Variants in JCAD observed in about 807,000 individuals in gnomAD.
JCAD encodes junctional cadherin 5 associated, also known as junctional cadherin 5-associated protein.
JCAD carries 40 observed loss-of-function variants against 98.0 expected under a neutral mutation model. The observed-to-expected ratio is 0.41, with a 90% CI of 0.32 to 0.53. JCAD has a LOEUF of 0.53. Among genes scored for constraint, JCAD ranks in the 20% least tolerant of loss-of-function variants. JCAD has a pLI of 0.31. For missense variants in JCAD, 1,705 were observed against 1,738.1 expected, an observed-to-expected ratio of 0.98 and a Z score of 0.34; for synonymous variants, 691 against 682.3, an observed-to-expected ratio of 1.01 and a Z score of -0.20.
At chr10:30,087,842 C>T (rs4749528) in intron 1 of JCAD, among the ~76,000 whole-genome samples, 67,467 of 152,050 alleles carry the variant, frequency 0.44, 17,221 homozygotes, top group African/African-American at 0.7. Flanking sequence ...CTTCTGTAAC[C>T]TTTGTTTGTT....
chr10:30,112,970 G>C (rs1228671659), intron 1 of JCAD, among the ~76,000 whole-genome samples: 1 of 152,008 alleles, frequency 6.6e-6, no homozygotes, highest in Admixed American at 6.6e-5. Flanking sequence ...TTAATGGGCA[G>C]AGGGTTTCCT....
At position 30,028,926 on chromosome 10, in the gene JCAD, GGA is replaced by G; in HGVS notation, c.1220_1221del (p.Leu407ProfsTer11). Reference sequence around the variant, plus strand: ...GCAGTGACAGGTCGGGGATGTGCGGGGAGCCCCTGAGGCAAGCGGGGGCTCAC... The same window carrying G: ...GCAGTGACAGGTCGGGGATGTGCGGGGCCCCTGAGGCAAGCGGGGGCTCAC... ...YGVSPRLPQG[L>X]PAHPRPVTAY... On this transcript the variant is annotated frameshift_variant, in exon 3 of 4. Coordinates refer to ENST00000375377, the MANE Select transcript of JCAD (RefSeq NM_020848.4). LOFTEE classifies it high-confidence loss of function. The G allele has an allele frequency of 6.2e-7, 1 of 1,614,106 alleles. No individual in the cohort carries two copies. The highest frequency in any genetic ancestry group is 8.5e-7 in the Non-Finnish European group (1 of 1,180,002).
intron 1 of JCAD, among the ~76,000 whole-genome samples, chr10:30,091,714 A>AT (rs11307523): frequency 0.37 from 30,254 of 81,838 alleles, 5,967 homozygotes; most frequent in East Asian, 0.51. Context: ...AAGTTTTTAA[A>AT]TTTTTTTTTT....
chr10:30,035,626 A>C (rs1426940553), intron 2 of JCAD, among the ~76,000 whole-genome samples: 1 of 152,266 alleles, frequency 6.6e-6, no homozygotes, highest in African/African-American at 2.4e-5. Flanking sequence ...TTCAAAGCCA[A>C]AAATATATTT....
chr10:30,047,003 C>T (rs1246371151), intron 2 of JCAD, among the ~76,000 whole-genome samples: 1 of 152,062 alleles, frequency 6.6e-6, no homozygotes, highest in African/African-American at 2.4e-5. Flanking sequence ...GGGAGAATCA[C>T]TTGAGCCCAG....
chr10:30,031,945 G>A (rs377045886), intron 2 of JCAD, among the ~76,000 whole-genome samples: 12 of 150,482 alleles, frequency 8.0e-5, no homozygotes, highest in African/African-American at 1.5e-4. Context: ...TAGTAGAGAC[G>A]GGGTTTCACT....
chr10:30,063,473 C>A (rs774834213), upstream of JCAD, among the ~76,000 whole-genome samples: 5 of 152,052 alleles, frequency 3.3e-5, no homozygotes, highest in African/African-American at 7.2e-5. Context: ...CTAGAGCAAC[C>A]CTCCTCCCTC....
intron 1 of JCAD, among the ~76,000 whole-genome samples, chr10:30,096,317 G>A (rs1355087729): frequency 3.3e-5 from 5 of 152,198 alleles, no homozygotes; most frequent in Non-Finnish European, 5.9e-5. Flanking sequence ...CCACTGCCCT[G>A]AGCCTCAGTT....
chr10:30,110,072 T>A (rs2132719691), intron 1 of JCAD, among the ~76,000 whole-genome samples: 1 of 152,180 alleles, frequency 6.6e-6, no homozygotes, highest in Admixed American at 6.5e-5. Context: ...CCAATTGATG[T>A]ATAAACCCAT....
chr10:30,093,789 G>A (rs1277323865), intron 1 of JCAD, among the ~76,000 whole-genome samples: 5 of 152,074 alleles, frequency 3.3e-5, no homozygotes, highest in African/African-American at 9.7e-5. Context: ...CGGGAATCCC[G>A]GGGATAGAGT....
intron 1 of JCAD, among the ~76,000 whole-genome samples, chr10:30,101,293 C>T (rs1838467614): frequency 6.6e-6 from 1 of 152,022 alleles, no homozygotes; most frequent in Non-Finnish European, 1.5e-5. Context: ...CCTGTAATCC[C>T]AGCTACTCGG....
intron 2 of JCAD, among the ~76,000 whole-genome samples, chr10:30,041,298 C>T (rs190979729): frequency 6.6e-6 from 1 of 152,274 alleles, no homozygotes. Context: ...GAAAGAGAGG[C>T]TTTGCCTCGT....
intron 1 of JCAD, among the ~76,000 whole-genome samples, chr10:30,095,253 A>G (rs1428584839): frequency 6.6e-6 from 1 of 151,806 alleles, no homozygotes; most frequent in Non-Finnish European, 1.5e-5. Context: ...TCTTAACGTT[A>G]TTTTCTGAAC....
rs891567505 is a variant in JCAD, at chr10:30,013,383, G to A, written c.*4500C>T. 2 of 152,186 alleles carry A rather than the reference G, an allele frequency of 1.3e-5. No individual in the cohort carries two copies. Among genetic ancestry groups the A allele is most frequent in the African/African-American group, 4.8e-5 (2 of 41,444 alleles). 9.4% of individuals were successfully genotyped at this position (152,186 alleles called of 1,614,324 possible). ...TAAATTTTAGAAGTCCCCCCGAGAT[G>A]TTTCTGCTTAACTTCTCTGACAGGC... On this transcript the variant is annotated 3_prime_UTR_variant, in exon 4 of 4. Coordinates refer to ENST00000375377, the MANE Select transcript of JCAD (RefSeq NM_020848.4).
chr10:30,091,286 G>A (rs1838258604), intron 1 of JCAD, among the ~76,000 whole-genome samples: 1 of 152,204 alleles, frequency 6.6e-6, no homozygotes, highest in South Asian at 2.1e-4. Context: ...ACAAGGCTGA[G>A]AGGATAAAGA....
chr10:30,047,434 GC>G, intron 2 of JCAD, 97 bp downstream of exon 2: 1 of 1,412,858 alleles, frequency 7.1e-7, no homozygotes, highest in Non-Finnish European at 9.6e-7. Context: ...TCCCTCCTTG[GC>G]CCTGGCCAAA....
At chr10:30,049,132 T>C (rs546860052) in intron 1 of JCAD, among the ~76,000 whole-genome samples, 1 of 152,310 alleles carries the variant, frequency 6.6e-6, no homozygotes, top group Admixed American at 6.5e-5. Flanking sequence ...GTCTTCCCTT[T>C]GATGATAAGG....
At chr10:30,060,926 C>T (rs767254948), upstream of JCAD, among the ~76,000 whole-genome samples, 10 of 152,262 alleles carry the variant, frequency 6.6e-5, no homozygotes, top group Admixed American at 4.6e-4. Flanking sequence ...TAATCTAACA[C>T]AGCATAAAAG....
chr10:30,073,191 A>G (rs149540862), intron 1 of JCAD, among the ~76,000 whole-genome samples: 6 of 152,378 alleles, frequency 3.9e-5, no homozygotes, highest in African/African-American at 1.4e-4. Context: ...CTTTGGGGTC[A>G]GACAGATTTG....
Sources: gnomAD v4.1 joint callset for allele counts (sites outside exome capture counted in the v4.1 genomes callset) on GRCh38, gnomAD v4.1.1 for gene constraint, MANE v1.5 for transcripts, NCBI Gene and HGNC (gene_info 2026-07-23, HGNC 2026-07-21) for gene names.